Variants in GRM8 observed in about 807,000 individuals in gnomAD.
GRM8 encodes the protein glutamate metabotropic receptor 8, also known as metabotropic glutamate receptor 8.
In GRM8, 47 loss-of-function variants were observed where a neutral mutation model predicts 87.2. The observed-to-expected ratio is 0.54, with a 90% confidence interval of 0.43 to 0.69. GRM8 has a LOEUF of 0.69. Ranked by LOEUF, GRM8 falls within the 30% of genes least tolerant of loss-of-function variation. The pLI is 0.00. For synonymous variants in GRM8, 396 were observed against 404.5 expected, an observed-to-expected ratio of 0.98 and a Z score of 0.25; for missense variants, 1,019 against 1,139.2, an observed-to-expected ratio of 0.89 and a Z score of 1.52.
chr7:126,801,281 T>A (rs1255020152), intron 6 of GRM8, among the ~76,000 whole-genome samples: 1 of 152,128 alleles, frequency 6.6e-6, no homozygotes, highest in African/African-American at 2.4e-5. Flanking sequence ...CATGCCGCAA[T>A]GCCACTTGTA....
chr7:126,448,606 T>A (rs1034955130), intron 9 of GRM8, among the ~76,000 whole-genome samples: 1 of 151,922 alleles, frequency 6.6e-6, no homozygotes, highest in East Asian at 1.9e-4. Flanking sequence ...AACACAGATA[T>A]TAGAATTAAA....
intron 7 of GRM8, among the ~76,000 whole-genome samples, chr7:126,671,701 T>C (rs1040572561): frequency 2.0e-5 from 3 of 152,146 alleles, no homozygotes; most frequent in African/African-American, 7.2e-5. Flanking sequence ...TCCTGCCAGG[T>C]AGTGGGAATA....
rs148505642 is a variant in GRM8, at chr7:126,840,800, G to A, written c.1156+61742C>T. On this transcript the variant is annotated intron_variant, in intron 6 of 10. Transcript: ENST00000339582. ...TTTAATAATTTTCTTTCATTTTAAC[G>A]GTAGAAATTATACACCAATTTCATG... Among the ~76,000 whole-genome samples, 476 of 152,070 alleles carry A rather than the reference G, an allele frequency of 3.1e-3. 2 individuals carry two copies. The highest frequency in any genetic ancestry group is 9.8e-3 in the African/African-American group (408 of 41,502).
chr7:126,982,339 C>T (rs563768756), intron 3 of GRM8, among the ~76,000 whole-genome samples: 49 of 152,188 alleles, frequency 3.2e-4, no homozygotes, highest in Non-Finnish European at 6.5e-4. Context: ...CACAGACACA[C>T]CCAGGATCAA....
At chr7:126,882,825 A>C (rs1239643674) in intron 6 of GRM8, among the ~76,000 whole-genome samples, 1 of 152,090 alleles carries the variant, frequency 6.6e-6, no homozygotes, top group African/African-American at 2.4e-5. Context: ...AAAAGCATCT[A>C]CCCCTAAGAA....
intron 6 of GRM8, among the ~76,000 whole-genome samples, chr7:126,799,050 G>A (rs1563198257): frequency 6.6e-6 from 1 of 152,074 alleles, no homozygotes; most frequent in Non-Finnish European, 1.5e-5. Flanking sequence ...AGTTGAAAAT[G>A]GGCCAAAGAC....
intron 8 of GRM8, among the ~76,000 whole-genome samples, chr7:126,609,026 C>T (rs1000382612): frequency 1.3e-5 from 2 of 152,036 alleles, no homozygotes; most frequent in African/African-American, 4.8e-5. Context: ...CATATTCAGT[C>T]GATTCCACAC....
intron 6 of GRM8, among the ~76,000 whole-genome samples, chr7:126,815,747 A>G (rs1793726661): frequency 6.6e-6 from 1 of 152,130 alleles, no homozygotes; most frequent in African/African-American, 2.4e-5. Flanking sequence ...AGGACTATAA[A>G]CTATTCTTCT....
chr7:126,854,227 A>C (rs1586202610), intron 6 of GRM8, among the ~76,000 whole-genome samples: 1 of 152,226 alleles, frequency 6.6e-6, no homozygotes, highest in East Asian at 1.9e-4. Flanking sequence ...CGCCAGTGGA[A>C]TAAAGCCAAA....
intron 7 of GRM8, among the ~76,000 whole-genome samples, chr7:126,664,269 T>A (rs186653726): frequency 6.6e-6 from 1 of 152,078 alleles, no homozygotes; most frequent in Non-Finnish European, 1.5e-5. Context: ...TTATCTCTCA[T>A]AGAGTTCGAA....
At chr7:127,108,856 T>C (rs938375872) in intron 2 of GRM8, among the ~76,000 whole-genome samples, 1 of 152,230 alleles carries the variant, frequency 6.6e-6, no homozygotes, top group Non-Finnish European at 1.5e-5. Flanking sequence ...TGCAGATCAA[T>C]GTGTGGGAAA....
At position 127,015,239 on chromosome 7, in the gene GRM8, AAGAAGAAGAAGAAGAAGAAGAAAAGAG is replaced by A. The variant is rs1198191505; in HGVS notation, c.727+91230_727+91256del. 4.0e-3 allele frequency among the ~76,000 whole-genome samples: 541 copies of A among 133,702 alleles called. 19 individuals carry two copies. Among genetic ancestry groups the A allele is most frequent in the East Asian group, 0.014 (54 of 3,866 alleles). 87.7% of individuals were successfully genotyped at this position (133,702 alleles called of 152,430 possible). Reference sequence around the variant, plus strand: ...GAAGAAGAAGAAGAAGAAGAAGAAGAAGAAGAAGAAGAAGAAGAAGAAAAGAGAGAGAGAGAGAGAGAGAGAATGAAC... The same window carrying A: ...GAAGAAGAAGAAGAAGAAGAAGAAGAAGAGAGAGAGAGAGAGAGAATGAAC... On this transcript the variant is annotated intron_variant, in intron 3 of 10. Transcript: ENST00000339582.
At chr7:126,513,510 A>C (rs1347137070) in intron 9 of GRM8, among the ~76,000 whole-genome samples, 3 of 152,156 alleles carry the variant, frequency 2.0e-5, no homozygotes, top group Non-Finnish European at 2.9e-5. Context: ...AATCTGCACT[A>C]TGCAACTGGA....
chr7:127,074,804 T>C (rs1822091841), intron 3 of GRM8, among the ~76,000 whole-genome samples: 1 of 152,174 alleles, frequency 6.6e-6, no homozygotes, highest in Admixed American at 6.5e-5. Context: ...CTTGGATAAG[T>C]TAGTGCCTTC....
intron 2 of GRM8, among the ~76,000 whole-genome samples, chr7:127,221,089 C>A (rs540598538): frequency 1.3e-5 from 2 of 152,300 alleles, no homozygotes; most frequent in African/African-American, 4.8e-5. Flanking sequence ...CTTGAAGGTT[C>A]CTATTGTCCA....
intron 6 of GRM8, among the ~76,000 whole-genome samples, chr7:126,880,734 G>A (rs1191266738): frequency 1.3e-5 from 2 of 152,114 alleles, no homozygotes; most frequent in African/African-American, 2.4e-5. Flanking sequence ...TTGTGAACTT[G>A]CCTCCAATCA....
chr7:127,133,137 G>A (rs1428394741), intron 2 of GRM8, among the ~76,000 whole-genome samples: 2 of 150,998 alleles, frequency 1.3e-5, no homozygotes, highest in African/African-American at 4.9e-5. Flanking sequence ...ACCCTGTCTC[G>A]GGCCAAGCGC....
chr7:127,107,317 T>C (rs550352536), intron 2 of GRM8, among the ~76,000 whole-genome samples: 1 of 152,298 alleles, frequency 6.6e-6, no homozygotes, highest in Non-Finnish European at 1.5e-5. Context: ...TATCCTCTCA[T>C]AGAAACATCA....
At chr7:127,134,839 G>T (rs900114645) in intron 2 of GRM8, among the ~76,000 whole-genome samples, 1 of 152,064 alleles carries the variant, frequency 6.6e-6, no homozygotes, top group African/African-American at 2.4e-5. Flanking sequence ...ATTTCACCTA[G>T]CTTCCTCCTG....
Sources: allele counts gnomAD v4.1 joint callset (sites outside exome capture counted in the v4.1 genomes callset), GRCh38; gene constraint gnomAD v4.1.1; transcripts MANE v1.5; gene names NCBI Gene and HGNC (gene_info 2026-07-23, HGNC 2026-07-21).